TDRD1: variants seen among roughly 807,000 people sequenced by gnomAD.
TDRD1 encodes tudor domain containing 1, also known as tudor domain-containing protein 1.
A neutral mutation model predicts 140.6 loss-of-function variants in TDRD1; 37 were observed. The observed-to-expected ratio is 0.26, with a 90% CI of 0.20 to 0.35. TDRD1 has a LOEUF of 0.35. TDRD1 is among the 10% of genes least tolerant of loss of function. TDRD1 has a pLI of 1.00. For missense variants in TDRD1, 1,243 were observed against 1,393.0 expected (o/e 0.89, Z 1.71); for synonymous variants, 506 against 475.7 (o/e 1.06, Z -0.83).
intron 6 of TDRD1, among the ~76,000 whole-genome samples, chr10:114,202,506 G>A (rs1423962891): frequency 1.3e-5 from 2 of 152,096 alleles, no homozygotes; most frequent in Non-Finnish European, 2.9e-5. Flanking sequence ...GTATCTCAGT[G>A]TAAAATCATG....
chr10:114,232,244 T>C (rs1564704465), exon 26 of TDRD1: 1 of 151,968 alleles, frequency 6.6e-6, no homozygotes. Flanking sequence ...AGCTAGATTT[T>C]TGTTGTTATA....
chr10:114,206,611 GTTTT>G (rs33936742), intron 11 of TDRD1, among the ~76,000 whole-genome samples: 3 of 105,988 alleles, frequency 2.8e-5, no homozygotes, highest in Non-Finnish European at 2.0e-5. Flanking sequence ...GTTAGGGTTT[GTTTT>G]TTTTTTTTTT....
At chr10:114,212,923 G>C (rs770740974) in intron 14 of TDRD1, among the ~76,000 whole-genome samples, 1 of 152,228 alleles carries the variant, frequency 6.6e-6, no homozygotes, top group South Asian at 2.1e-4. Flanking sequence ...ATGGTCTCTC[G>C]TGCCTATTAA....
chr10:114,201,125 G>T (rs1375130968), intron 4 of TDRD1, among the ~76,000 whole-genome samples: 2 of 151,890 alleles, frequency 1.3e-5, no homozygotes, highest in Non-Finnish European at 2.9e-5. Context: ...CAAAGTGCTG[G>T]GATTACAGAC....
intron 4 of TDRD1, 96 bp downstream of exon 4, chr10:114,199,413 A>G: frequency 6.9e-7 from 1 of 1,458,216 alleles, no homozygotes; most frequent in Non-Finnish European, 9.1e-7. Flanking sequence ...TGTAATTAGA[A>G]CAGTGTCCCC....
At chr10:114,224,550 G>A (rs1387870951) in intron 21 of TDRD1, among the ~76,000 whole-genome samples, 1 of 152,128 alleles carries the variant, frequency 6.6e-6, no homozygotes, top group East Asian at 1.9e-4. Flanking sequence ...TGCTGAATTT[G>A]AACTCTGCTA....
At chr10:114,183,107 A>G (rs574115311) in intron 1 of TDRD1, among the ~76,000 whole-genome samples, 1 of 152,360 alleles carries the variant, frequency 6.6e-6, no homozygotes, top group Non-Finnish European at 1.5e-5. Context: ...GCAACTTAAA[A>G]TAATTTAAAT....
intron 25 of TDRD1, chr10:114,228,224 T>A: frequency 6.9e-7 from 1 of 1,457,602 alleles, no homozygotes. Flanking sequence ...GTGAAACCTA[T>A]TGTAAGGCTG....
chr10:114,200,240 G>A (rs1430650768), intron 4 of TDRD1, among the ~76,000 whole-genome samples: 1 of 152,162 alleles, frequency 6.6e-6, no homozygotes, highest in African/African-American at 2.4e-5. Flanking sequence ...AATTTGCAGT[G>A]CTCTCGTGAT....
exon 18 of TDRD1, chr10:114,218,432 G>A (rs1333942925): frequency 6.3e-7 from 1 of 1,595,154 alleles, no homozygotes; most frequent in African/African-American, 1.3e-5. Flanking sequence ...AGTTGGTATC[G>A]TGCTTTAGTC....
intron 7 of TDRD1, 27 bp downstream of exon 7, chr10:114,203,203 G>C (rs770861580): frequency 1.9e-6 from 3 of 1,557,374 alleles, no homozygotes; most frequent in Non-Finnish European, 2.7e-6. Context: ...AATCTCCATA[G>C]ACACAGATCC....
intron 25 of TDRD1, chr10:114,228,377 G>T: frequency 8.2e-7 from 1 of 1,216,172 alleles, no homozygotes; most frequent in South Asian, 2.3e-5. Context: ...CCTTACTGTT[G>T]TTTGGTTCTG....
chr10:114,199,512 C>A (rs535740741), intron 4 of TDRD1, among the ~76,000 whole-genome samples, 195 bp downstream of exon 4: 3 of 152,192 alleles, frequency 2.0e-5, no homozygotes, highest in Non-Finnish European at 4.4e-5. Flanking sequence ...GCTTCCTCAG[C>A]GGATTATTAT....
exon 16 of TDRD1, chr10:114,213,991 G>A: frequency 6.2e-7 from 1 of 1,613,914 alleles, no homozygotes; most frequent in Non-Finnish European, 8.5e-7. Flanking sequence ...CTTGGGTGTG[G>A]AAGGAAAAGT....
intron 21 of TDRD1, among the ~76,000 whole-genome samples, chr10:114,223,618 CCTTT>C (rs1476538966): frequency 1.3e-5 from 2 of 152,154 alleles, no homozygotes; most frequent in East Asian, 1.9e-4. Flanking sequence ...CTATACTTGC[CCTTT>C]CTTTCCAGGA....
chr10:114,213,952 A>G (rs374696264), intron 15 of TDRD1, 25 bp from the exon 16 acceptor site: 139 of 1,613,306 alleles, frequency 8.6e-5, no homozygotes, highest in Non-Finnish European at 1.1e-4. Flanking sequence ...CACTATGTCC[A>G]TTTAATGTTT....
chr10:114,206,611 G>GTTTTT (rs33936742), intron 11 of TDRD1, among the ~76,000 whole-genome samples: 23 of 105,978 alleles, frequency 2.2e-4, no homozygotes, highest in South Asian at 3.0e-4. Flanking sequence ...GTTAGGGTTT[G>GTTTTT]TTTTTTTTTT....
At chr10:114,192,801 A>G (rs558071980) in intron 3 of TDRD1, among the ~76,000 whole-genome samples, 23 of 152,286 alleles carry the variant, frequency 1.5e-4, no homozygotes, top group African/African-American at 5.1e-4. Flanking sequence ...TTCTGTAGAT[A>G]TATGTGTCTG....
chr10:114,227,620 A>G (rs1024367677), intron 23 of TDRD1, among the ~76,000 whole-genome samples: 6 of 152,218 alleles, frequency 3.9e-5, no homozygotes, highest in Non-Finnish European at 7.3e-5. Flanking sequence ...GAGAAGTCAT[A>G]TTTTTGAGAT....
Sources: allele counts gnomAD v4.1 joint callset (sites outside exome capture counted in the v4.1 genomes callset), GRCh38; gene constraint gnomAD v4.1.1; transcripts MANE v1.5; gene names NCBI Gene and HGNC (gene_info 2026-07-23, HGNC 2026-07-21).